Variants in MMP17 observed in about 807,000 individuals in gnomAD.
The protein encoded by MMP17 is matrix metalloproteinase-17.
A neutral mutation model predicts 49.1 loss-of-function variants in MMP17; 54 were observed. That is an observed-to-expected ratio of 1.10 (90% CI 0.88 to 1.38). The LOEUF (loss-of-function observed/expected upper bound fraction) is 1.38. Ranked by LOEUF, MMP17 falls within the 40% of genes most tolerant of loss-of-function variation. The pLI is 0.00. For missense variants in MMP17, 837 were observed against 853.7 expected (o/e 0.98, Z 0.24); for synonymous variants, 397 against 383.1 (o/e 1.04, Z -0.42).
intron 1 of MMP17, among the ~76,000 whole-genome samples, chr12:131,835,509 G>A (rs2136313972): frequency 6.6e-6 from 1 of 152,340 alleles, no homozygotes; most frequent in East Asian, 1.9e-4. Flanking sequence ...ACCAGAGTGG[G>A]GGGTGCCCCA....
rs941462876 is a variant in MMP17, at chr12:131,846,701, A to G, written c.1204+1252A>G. Among the ~76,000 whole-genome samples, 1 of 152,014 alleles carries G rather than the reference A, an allele frequency of 6.6e-6. No individual in the cohort carries two copies. Among genetic ancestry groups the G allele is most frequent in the African/African-American group, 2.4e-5 (1 of 41,384 alleles). ...GCCTAATCCCATCTTAACTCATCTT[A>G]ACTAACACATCTGCAAAGACCCTCT... On this transcript the variant is annotated intron_variant, in intron 8 of 9. Transcript: ENST00000360564. The surrounding 1 kb of genome is among the most constrained non-coding windows in gnomAD (Gnocchi z 4.6).
In MMP17 at chr12:131,850,610, T is replaced by A. The variant is rs1478156682; in HGVS notation, c.1463-315T>A. Among the ~76,000 whole-genome samples, 9 of 152,182 alleles carry A rather than the reference T, an allele frequency of 5.9e-5. No individual in the cohort carries two copies. In the South Asian group the frequency reaches 1.5e-3, roughly 25 times the overall value. On this transcript the variant is annotated intron_variant, in intron 9 of 9. Coordinates refer to ENST00000360564, the MANE Select transcript of MMP17 (RefSeq NM_016155.7). ...GAGACTCTGAGGGTCTCCTGGTCCA[T>A]CCCCTGCCCCAGCAGGCTCCTCTGG... is the stretch of plus-strand genomic sequence containing the variant.
At position 131,840,581 on chromosome 12, in the gene MMP17, C is replaced by T. The variant is rs771789996; in HGVS notation, c.431C>T (p.Thr144Met). The T allele has an allele frequency of 1.4e-5, 23 of 1,588,694 alleles. No individual in the cohort carries two copies. The highest frequency in any genetic ancestry group is 1.1e-4 in the African/African-American group (8 of 74,652). The change falls in exon 4 of 10, where the codon ACG (threonine) becomes ATG (methionine). Residue 144 changes from threonine (T) to methionine (M), a missense_variant. Physicochemically the swap from Thr to Met is moderately conservative, Grantham distance 81 (BLOSUM62 -1). Coordinates refer to ENST00000360564, the MANE Select transcript of MMP17 (RefSeq NM_016155.7). ...NKRNLSWRVR[T>M]FPRDSPLGHD... ...CTGACCCCTGCCTGCAGGGTCCGGA[C>T]GTTCCCACGGGACTCACCACTGGGG...
intron 8 of MMP17, 22 bp from the exon 9 acceptor site, chr12:131,849,780 C>T (rs373295904): frequency 6.2e-7 from 1 of 1,600,996 alleles, no homozygotes; most frequent in East Asian, 2.2e-5. Context: ...CCCCGGCCCA[C>T]AGCTGTTTCT....
In MMP17 at chr12:131,849,991, A is replaced by C; in HGVS notation, c.1394A>C (p.Tyr465Ser). Residue 465 changes from tyrosine to serine, a missense_variant, in exon 9 of 10, where the codon TAC (tyrosine) becomes TCC (serine). Physicochemically the swap from Tyr to Ser is moderately radical, Grantham distance 144. Transcript: ENST00000360564. ...CACACGAGGCACATGGACCCCGGCT[A>C]CCCCGCCCAGAGCCCCCTGTGGAGG... ...DDHTRHMDPGYPAQSPLWRGV... is the reference protein window; with the variant it reads ...DDHTRHMDPGSPAQSPLWRGV... 2.5e-6 allele frequency: 4 copies of C among 1,613,616 alleles called. No homozygotes were observed. The highest frequency in any genetic ancestry group is 1.7e-6 in the Non-Finnish European group (2 of 1,179,918).
At position 131,828,427 on chromosome 12, in the gene MMP17, C is replaced by A. The variant is rs1215567357; in HGVS notation, c.-68C>A. 1.1e-5 allele frequency: 10 copies of A among 908,596 alleles called. No individual in the cohort carries two copies. The highest frequency in any genetic ancestry group is 1.3e-5 in the Non-Finnish European group (10 of 759,928). 56.3% of individuals were successfully genotyped at this position (908,596 alleles called of 1,614,324 possible). On this transcript the variant is annotated 5_prime_UTR_variant, in exon 1 of 10. Transcript: ENST00000360564. ...GGGGCGCCGCGGAGAGCGGAGGGCG[C>A]CGGGCTGCGGAACGCGAAGCGGAGG...
chr12:131,849,194 G>C (rs1887850486), intron 8 of MMP17, among the ~76,000 whole-genome samples: 1 of 152,132 alleles, frequency 6.6e-6, no homozygotes, highest in Admixed American at 6.5e-5. Flanking sequence ...GGAGAAAAGT[G>C]TATTTAACGC....
chr12:131,829,477 G>A (rs1010922556), intron 1 of MMP17, among the ~76,000 whole-genome samples: 6 of 151,938 alleles, frequency 3.9e-5, no homozygotes, highest in African/African-American at 1.4e-4. Flanking sequence ...GGGGCGGCCG[G>A]GTGAACTCCC....
In MMP17 at chr12:131,840,711, C is replaced by T. The variant is rs1197252162; in HGVS notation, c.561C>T (p.Ile187=). The part of the protein sequence containing the change: ...EVAGSAADIQ[I]DFSKADHNDG... ...CGGGCAGCGCCGCCGACATCCAGAT[C>T]GACTTCTCCAAGGCCGACCATAACG... Residue 187 remains isoleucine (I), a synonymous_variant, in exon 4 of 10, where the codon ATC becomes ATT. Transcript: ENST00000360564. 8 of 1,605,262 alleles carry T rather than the reference C, an allele frequency of 5.0e-6. No homozygotes were observed. The highest frequency in any genetic ancestry group is 2.2e-5 in the East Asian group (1 of 44,894).
At chr12:131,844,235 A>G (rs1423576939) in intron 6 of MMP17, 154 bp downstream of exon 6, 3 of 667,022 alleles carry the variant, frequency 4.5e-6, no homozygotes, top group African/African-American at 3.7e-5. Context: ...CTTTTCTTAA[A>G]CCCCATCTAA....
chr12:131,839,246 G>A (rs1456007722), intron 3 of MMP17, among the ~76,000 whole-genome samples: 1 of 152,098 alleles, frequency 6.6e-6, no homozygotes, highest in African/African-American at 2.4e-5. Context: ...GATGCTCCTC[G>A]GATTTAGGGC....
In MMP17 at chr12:131,846,924, T is replaced by C. The variant is rs557711834; in HGVS notation, c.1204+1475T>C. 6.6e-6 allele frequency among the ~76,000 whole-genome samples: 1 copy of C among 152,130 alleles called. No individual in the cohort carries two copies. The highest frequency in any genetic ancestry group is 2.1e-4 in the South Asian group (1 of 4,814). ...GCCCGGCCCTCAGCATTTGACTCCG[T>C]CACCCCCATCACCTGGGAGCCCTCC... On this transcript the variant is annotated intron_variant, in intron 8 of 9. Coordinates refer to ENST00000360564, the MANE Select transcript of MMP17 (RefSeq NM_016155.7). This position sits in a 1 kb window ranked among gnomAD's most constrained non-coding sequence, Gnocchi z 4.6.
chr12:131,831,825 ATC>A (rs1263830807), intron 1 of MMP17, among the ~76,000 whole-genome samples: 29 of 57,946 alleles, frequency 5.0e-4, no homozygotes, highest in South Asian at 9.1e-4. Context: ...GCTGGAGAGG[ATC>A]TGGGGGGGGA....
intron 3 of MMP17, among the ~76,000 whole-genome samples, chr12:131,839,668 C>A (rs1401907686): frequency 6.6e-6 from 1 of 152,034 alleles, no homozygotes; most frequent in Non-Finnish European, 1.5e-5. Flanking sequence ...AGAGACAGGG[C>A]TGGGCATGGT....
At chr12:131,831,807 G>T (rs1179195682) in intron 1 of MMP17, among the ~76,000 whole-genome samples, 2 of 118,162 alleles carry the variant, frequency 1.7e-5, no homozygotes, top group East Asian at 5.0e-4. Flanking sequence ...GGGACAGGAA[G>T]GGGGAAGGCT....
rs369359575 is a variant in MMP17, at chr12:131,845,120, C to T, written c.971C>T (p.Pro324Leu). Residue 324 changes from proline (P) to leucine (L), a missense_variant and splice_region_variant, in exon 7 of 10, where the codon CCC becomes CTC. Physicochemically the swap from Pro to Leu is moderately conservative, Grantham distance 98. Coordinates refer to ENST00000360564, the MANE Select transcript of MMP17 (RefSeq NM_016155.7). ...CCCACCTGGCTCTCTCCCTGCAGGC[C>T]CAGGAAGGACGTGCCCCACAGATGC... ...EPPDNRSSAPPRKDVPHRCST... is the reference protein window; with the variant it reads ...EPPDNRSSAPLRKDVPHRCST... 6.2e-5 allele frequency: 100 copies of T among 1,600,664 alleles called. No homozygotes were observed. Among genetic ancestry groups the T allele is most frequent in the Non-Finnish European group, 7.5e-5 (88 of 1,176,354 alleles).
intron 1 of MMP17, 143 bp from the exon 2 acceptor site, chr12:131,838,052 A>G: frequency 9.4e-7 from 1 of 1,069,186 alleles, no homozygotes; most frequent in South Asian, 1.9e-5. Flanking sequence ...GCAGCTGCCC[A>G]GGGAAGAGAC....
intron 5 of MMP17, among the ~76,000 whole-genome samples, chr12:131,842,550 G>T (rs1887469853): frequency 6.6e-6 from 1 of 152,090 alleles, no homozygotes; most frequent in Non-Finnish European, 1.5e-5. Context: ...GAGGCGGGTG[G>T]ATCACTTGAG....
At chr12:131,835,511 G>T (rs1287925224) in intron 1 of MMP17, among the ~76,000 whole-genome samples, 1 of 152,196 alleles carries the variant, frequency 6.6e-6, no homozygotes, top group South Asian at 2.1e-4. Context: ...CAGAGTGGGG[G>T]GTGCCCCAAA....
Sources: gnomAD v4.1 joint callset for allele counts (sites outside exome capture counted in the v4.1 genomes callset) on GRCh38, gnomAD v4.1.1 for gene constraint, Gnocchi (gnomAD v3.1) non-coding constraint, MANE v1.5 for transcripts, NCBI Gene and HGNC (gene_info 2026-07-23, HGNC 2026-07-21) for gene names.